Variants in NPR3 observed in about 807,000 individuals in gnomAD.
The protein encoded by NPR3 is atrial natriuretic peptide receptor 3.
In NPR3, 34 loss-of-function variants were observed where a neutral mutation model predicts 54.5. The observed-to-expected ratio is 0.62, with a 90% confidence interval of 0.47 to 0.83. NPR3 has a LOEUF of 0.83. NPR3 is among the 40% of genes least tolerant of loss of function. The pLI, the probability that NPR3 is intolerant of heterozygous loss-of-function variation, is 0.00. For synonymous variants in NPR3, 289 were observed against 297.1 expected (o/e 0.97, Z 0.28); for missense variants, 674 against 720.8 (o/e 0.94, Z 0.74).
At chr5:32,739,796 G>A (rs1209733359) in intron 3 of NPR3, among the ~76,000 whole-genome samples, 1 of 152,134 alleles carries the variant, frequency 6.6e-6, no homozygotes, top group Non-Finnish European at 1.5e-5. Flanking sequence ...ATGAGTGATG[G>A]GCACCTTGGG....
chr5:32,733,468 G>C (rs1739571113), intron 2 of NPR3, among the ~76,000 whole-genome samples: 1 of 152,164 alleles, frequency 6.6e-6, no homozygotes, highest in Admixed American at 6.5e-5. Flanking sequence ...GGTGAGTTAG[G>C]TGGTAACTTA....
At chr5:32,783,060 T>C in intron 6 of NPR3, 32 bp downstream of exon 6, 1 of 1,576,662 alleles carries the variant, frequency 6.3e-7, no homozygotes. Flanking sequence ...GCTATGTATG[T>C]CATCACCTCT....
chr5:32,704,578 C>T (rs903277632), upstream of NPR3, among the ~76,000 whole-genome samples: 15 of 152,182 alleles, frequency 9.9e-5, no homozygotes, highest in Admixed American at 9.2e-4. Context: ...CTTCTAAATG[C>T]ATGATCTTAA....
chr5:32,760,614 T>C (rs1012262782), intron 3 of NPR3, among the ~76,000 whole-genome samples: 4 of 152,142 alleles, frequency 2.6e-5, no homozygotes, highest in Non-Finnish European at 5.9e-5. Context: ...GAATATGTTC[T>C]CTGTCTTTCA....
chr5:32,728,827 GTGTGTGTGTGTATATATATATATATA>G (rs1329071457), intron 2 of NPR3, among the ~76,000 whole-genome samples: 7 of 81,132 alleles, frequency 8.6e-5, no homozygotes, highest in African/African-American at 2.9e-4. Context: ...GTGTGTGTGT[GTGTGTGTGTGTATATATATATATATA>G]TATATATATA....
At chr5:32,700,268 C>G (rs1362793885) in intron 1 of NPR3, among the ~76,000 whole-genome samples, 3 of 152,012 alleles carry the variant, frequency 2.0e-5, no homozygotes, top group African/African-American at 7.3e-5. Flanking sequence ...TGTTATTATC[C>G]CTTTGAATAA....
At chr5:32,777,292 G>A (rs1262390283) in intron 4 of NPR3, among the ~76,000 whole-genome samples, 1 of 152,110 alleles carries the variant, frequency 6.6e-6, no homozygotes, top group African/African-American at 2.4e-5. Flanking sequence ...CTTGACAACC[G>A]GTAACATAAG....
intron 4 of NPR3, among the ~76,000 whole-genome samples, chr5:32,776,028 C>T (rs1742027458): frequency 6.6e-6 from 1 of 152,172 alleles, no homozygotes; most frequent in South Asian, 2.1e-4. Context: ...CTTTCCTTCC[C>T]AACCTAGTCC....
Position 32,774,598 on chromosome 5 carries a change from C to T in NPR3, c.1060-110C>T, listed in dbSNP as rs1741942889. ...CAGTACCCCTTCTGCCCACCTCTGC[C>T]ATGGCTAACAGACCTGAAGTCTAAC... On this transcript the variant is annotated intron_variant, in intron 3 of 7. Coordinates refer to ENST00000265074, the MANE Select transcript of NPR3 (RefSeq NM_001204375.2). 47 of 800,004 alleles carry T rather than the reference C, an allele frequency of 5.9e-5. No homozygotes were observed. The South Asian group carries it at 6.1e-4, about 10-fold the overall frequency. 49.6% of individuals were successfully genotyped at this position (800,004 alleles called of 1,614,324 possible).
rs781656326 is a variant in NPR3 at position 32,789,805 on chromosome 5, C to T, written c.*3460C>T. 5.4e-5 allele frequency: 27 copies of T among 500,460 alleles called. No homozygotes were observed. The highest frequency in any genetic ancestry group is 4.0e-4 in the African/African-American group (20 of 50,606). 31.0% of individuals were successfully genotyped at this position (500,460 alleles called of 1,614,324 possible). A position where few individuals can be genotyped will look rare whatever the true frequency, so the allele number is the denominator to read the frequency against. On this transcript the variant is annotated 3_prime_UTR_variant, in exon 8 of 8. Transcript: ENST00000265074. ...TAGTGATGGATTCAGAAAGTAGGTT[C>T]CAGTGGCGTCACTACCTTCTTGTAA...
At chr5:32,782,346 C>A (rs1467282959) in intron 5 of NPR3, among the ~76,000 whole-genome samples, 1 of 118,668 alleles carries the variant, frequency 8.4e-6, no homozygotes, top group Non-Finnish European at 1.8e-5. Context: ...TGGACCCTGG[C>A]TGTCCTTCAC....
intron 3 of NPR3, among the ~76,000 whole-genome samples, chr5:32,754,820 G>A (rs1740749509): frequency 6.6e-6 from 1 of 152,072 alleles, no homozygotes; most frequent in Non-Finnish European, 1.5e-5. Context: ...TAAATCACTG[G>A]TGTTGGAAAG....
At chr5:32,726,740 A>C (rs564785487) in intron 2 of NPR3, among the ~76,000 whole-genome samples, 1 of 152,370 alleles carries the variant, frequency 6.6e-6, no homozygotes, top group South Asian at 2.1e-4. Context: ...TGAGTATTGT[A>C]GACAATTTAG....
Position 32,737,942 on chromosome 5 carries a change from A to G in NPR3, c.893-922A>G, listed in dbSNP as rs140061751. Among the ~76,000 whole-genome samples the G allele has an allele frequency of 6.5e-3, 995 of 152,026 alleles. 5 individuals carry two copies. Among genetic ancestry groups the G allele is most frequent in the Middle Eastern group, 0.014 (4 of 294 alleles). On this transcript the variant is annotated intron_variant, in intron 2 of 7. Coordinates refer to ENST00000265074, the MANE Select transcript of NPR3 (RefSeq NM_001204375.2). ...CTTTTATTATTATTATTATTATAAT[A>G]TATGTGCTTAATAAATGTTAGCAAT...
intron 4 of NPR3, among the ~76,000 whole-genome samples, 168 bp downstream of exon 4, chr5:32,775,011 C>T (rs758198685): frequency 3.9e-5 from 6 of 152,156 alleles, no homozygotes; most frequent in South Asian, 2.1e-4. Flanking sequence ...AGATAATACA[C>T]GTGAAAGTGC....
At chr5:32,760,315 C>G (rs1264557394) in intron 3 of NPR3, among the ~76,000 whole-genome samples, 1 of 152,094 alleles carries the variant, frequency 6.6e-6, no homozygotes, top group Admixed American at 6.6e-5. Flanking sequence ...ACATTCCAAC[C>G]AGCAATGTAT....
At chr5:32,707,704 C>G (rs1738032760), upstream of NPR3, among the ~76,000 whole-genome samples, 1 of 152,086 alleles carries the variant, frequency 6.6e-6, no homozygotes, top group Non-Finnish European at 1.5e-5. Flanking sequence ...AAAAGGACCT[C>G]TGAAAATCTA....
In NPR3 at chr5:32,773,667, C is replaced by G. The variant is rs143151895; in HGVS notation, c.1060-1041C>G. On this transcript the variant is annotated intron_variant, in intron 3 of 7. Transcript: ENST00000265074. ...TTAAGCCCCTCTTGCCCGCCCTTCTCCAACCCATCAGATTGACCACTCCCT... is the reference window on the plus strand; with the variant it reads ...TTAAGCCCCTCTTGCCCGCCCTTCTGCAACCCATCAGATTGACCACTCCCT... Among the ~76,000 whole-genome samples, 556 of 152,284 alleles carry G rather than the reference C, an allele frequency of 3.7e-3. 3 individuals are homozygous for G. The highest frequency in any genetic ancestry group is 0.013 in the African/African-American group (529 of 41,552).
upstream of NPR3, among the ~76,000 whole-genome samples, chr5:32,711,095 G>A (rs951919999): frequency 3.3e-5 from 5 of 152,104 alleles, no homozygotes; most frequent in African/African-American, 7.2e-5. Flanking sequence ...GAGGGCCTGC[G>A]GGGAGTGGTG....
Sources: allele counts gnomAD v4.1 joint callset (sites outside exome capture counted in the v4.1 genomes callset), GRCh38; gene constraint gnomAD v4.1.1; transcripts MANE v1.5; gene names NCBI Gene and HGNC (gene_info 2026-07-23, HGNC 2026-07-21).